GPC5: variants seen among roughly 807,000 people sequenced by gnomAD.
The protein encoded by GPC5 is glypican 5, also known as glypican-5.
In GPC5, 47 loss-of-function variants were observed where a neutral mutation model predicts 53.9. That is an observed-to-expected ratio of 0.87 (90% CI 0.69 to 1.11). The LOEUF is 1.11. Ranked by LOEUF, GPC5 falls within the 50% of genes most tolerant of loss-of-function variation. The pLI is 0.00. For synonymous variants in GPC5, 286 were observed against 263.3 expected, an observed-to-expected ratio of 1.09 and a Z score of -0.84; for missense variants, 748 against 713.1, an observed-to-expected ratio of 1.05 and a Z score of -0.56.
chr13:91,831,362 A>G lies in GPC5; in HGVS notation c.1280+74942A>G, dbSNP rs1006106729. 5.3e-5 allele frequency among the ~76,000 whole-genome samples: 8 copies of G among 151,780 alleles called. No individual in the cohort carries two copies. The Admixed American group carries it at 5.3e-4, about 10-fold the overall frequency. On this transcript the variant is annotated intron_variant, in intron 5 of 7. Coordinates refer to ENST00000377067, the MANE Select transcript of GPC5 (RefSeq NM_004466.6). ...AAGCTGATTAGATTGTGCCCACCAG[A>G]TTAAGGGTGGATCTGCCTTCCCCAG...
At chr13:92,350,423 TA>T (rs2043466362) in intron 7 of GPC5, among the ~76,000 whole-genome samples, 2 of 152,142 alleles carry the variant, frequency 1.3e-5, no homozygotes. Flanking sequence ...TTATGCTAAG[TA>T]AAACAAGGTA....
At position 91,510,519 on chromosome 13, in the gene GPC5, T is replaced by G. The variant is rs189908781; in HGVS notation, c.325+61597T>G. Among the ~76,000 whole-genome samples the G allele has an allele frequency of 1.3e-3, 191 of 152,356 alleles. 2 individuals are homozygous for G. Among genetic ancestry groups the G allele is most frequent in the Admixed American group, 2.2e-3 (33 of 15,298 alleles). ...TAAACATTTATAGATATATAATTTCTGTCCATATTTTCATTTTTCTTTTGG... is the reference window on the plus strand; with the variant it reads ...TAAACATTTATAGATATATAATTTCGGTCCATATTTTCATTTTTCTTTTGG... On this transcript the variant is annotated intron_variant, in intron 2 of 7. Transcript: ENST00000377067.
At chr13:91,495,338 C>T (rs1884188146) in intron 2 of GPC5, among the ~76,000 whole-genome samples, 1 of 152,182 alleles carries the variant, frequency 6.6e-6, no homozygotes, top group South Asian at 2.1e-4. Context: ...GCAGTCTATT[C>T]TTGATGCAGT....
At chr13:92,316,035 G>A (rs1342476632) in intron 7 of GPC5, among the ~76,000 whole-genome samples, 2 of 152,046 alleles carry the variant, frequency 1.3e-5, no homozygotes, top group African/African-American at 4.8e-5. Flanking sequence ...ATTGACTACA[G>A]GTCAGATAGA....
intron 7 of GPC5, among the ~76,000 whole-genome samples, chr13:92,228,295 T>C (rs986601423): frequency 7.2e-5 from 11 of 151,986 alleles, no homozygotes; most frequent in Admixed American, 2.0e-4. Flanking sequence ...CCAATACTTA[T>C]ATAAAACAAA....
intron 5 of GPC5, among the ~76,000 whole-genome samples, chr13:91,882,625 T>A (rs1195189103): frequency 6.6e-6 from 1 of 150,996 alleles, no homozygotes; most frequent in Non-Finnish European, 1.5e-5. Flanking sequence ...GAGTTTGATT[T>A]TTTTTTTCTT....
chr13:92,270,258 A>G (rs2042830945), intron 7 of GPC5, among the ~76,000 whole-genome samples: 1 of 152,134 alleles, frequency 6.6e-6, no homozygotes, highest in South Asian at 2.1e-4. Context: ...TCCCAGCCCA[A>G]ATCTCATGTT....
intron 6 of GPC5, among the ~76,000 whole-genome samples, chr13:91,939,198 C>G (rs1055622696): frequency 6.6e-6 from 1 of 151,958 alleles, no homozygotes; most frequent in South Asian, 2.1e-4. Context: ...ATCCATCTTC[C>G]TCTTTTATAC....
At chr13:92,863,628 G>A (rs1475796413) in intron 7 of GPC5, among the ~76,000 whole-genome samples, 1 of 152,040 alleles carries the variant, frequency 6.6e-6, no homozygotes, top group African/African-American at 2.4e-5. Context: ...CAAGTAGCTG[G>A]GATTACAGGC....
At chr13:92,486,310 A>G (rs1020524389) in intron 7 of GPC5, among the ~76,000 whole-genome samples, 1 of 152,156 alleles carries the variant, frequency 6.6e-6, no homozygotes, top group East Asian at 1.9e-4. Context: ...GAGAAATGGT[A>G]TTTCTATCCT....
intron 6 of GPC5, among the ~76,000 whole-genome samples, chr13:92,030,858 A>G (rs1282323363): frequency 6.6e-6 from 1 of 151,902 alleles, no homozygotes; most frequent in Admixed American, 6.6e-5. Context: ...GTTAACAGGA[A>G]CCTCTCTCGC....
At chr13:92,008,172 C>T (rs1296840106) in intron 6 of GPC5, among the ~76,000 whole-genome samples, 3 of 151,006 alleles carry the variant, frequency 2.0e-5, no homozygotes, top group African/African-American at 7.3e-5. Context: ...ACGCCATTCT[C>T]CTGCTTCAGC....
intron 2 of GPC5, among the ~76,000 whole-genome samples, chr13:91,645,859 C>A (rs558275089): frequency 6.6e-6 from 1 of 152,264 alleles, no homozygotes; most frequent in East Asian, 1.9e-4. Flanking sequence ...CACAAATTTG[C>A]ACTTCTGACA....
intron 6 of GPC5, among the ~76,000 whole-genome samples, chr13:92,130,935 AAGAT>A (rs920218649): frequency 1.3e-5 from 2 of 151,918 alleles, no homozygotes; most frequent in African/African-American, 2.4e-5. Context: ...AAATAAGAAA[AAGAT>A]AGTAAAAAAA....
At chr13:92,247,653 A>G (rs1160413269) in intron 7 of GPC5, among the ~76,000 whole-genome samples, 1 of 152,282 alleles carries the variant, frequency 6.6e-6, no homozygotes, top group African/African-American at 2.4e-5. Context: ...GATGGAGTCA[A>G]ATAATCTAAT....
intron 6 of GPC5, among the ~76,000 whole-genome samples, chr13:92,011,448 T>A (rs1278057565): frequency 6.6e-6 from 1 of 152,212 alleles, no homozygotes; most frequent in African/African-American, 2.4e-5. Flanking sequence ...AAATACTCTG[T>A]CATGTTTCCC....
chr13:92,220,005 A>G (rs1277111775), intron 7 of GPC5, among the ~76,000 whole-genome samples: 1 of 152,104 alleles, frequency 6.6e-6, no homozygotes, highest in East Asian at 1.9e-4. Context: ...TTTTTGTCCA[A>G]TTCTTTGTTC....
intron 7 of GPC5, among the ~76,000 whole-genome samples, chr13:92,846,258 G>A (rs1359436968): frequency 1.3e-5 from 2 of 152,140 alleles, no homozygotes; most frequent in East Asian, 3.9e-4. Context: ...TAGCCTGAGG[G>A]AAATGATCTA....
At chr13:92,774,255 G>T (rs912578761) in intron 7 of GPC5, among the ~76,000 whole-genome samples, 1 of 152,150 alleles carries the variant, frequency 6.6e-6, no homozygotes, top group African/African-American at 2.4e-5. Context: ...TGCAGGTATA[G>T]CCCTGTAGGT....
Sources: allele counts gnomAD v4.1 joint callset (sites outside exome capture counted in the v4.1 genomes callset), GRCh38; gene constraint gnomAD v4.1.1; transcripts MANE v1.5; gene names NCBI Gene and HGNC (gene_info 2026-07-23, HGNC 2026-07-21).